SEMA3D: variants seen among roughly 807,000 people sequenced by gnomAD.
SEMA3D encodes semaphorin 3D.
In SEMA3D, 84 loss-of-function variants were observed where a neutral mutation model predicts 100.1. The ratio of observed to expected loss-of-function variants is 0.84; its 90% CI spans 0.70 to 1.01. The LOEUF is 1.01. SEMA3D is among the 50% of genes least tolerant of loss of function. The pLI is 0.00. For missense variants in SEMA3D, 875 were observed against 934.1 expected (o/e 0.94, Z 0.82); for synonymous variants, 312 against 320.7 (o/e 0.97, Z 0.29).
the SEMA3D span, among the ~76,000 whole-genome samples, chr7:85,225,716 C>T: frequency 6.6e-6 from 1 of 152,064 alleles, no homozygotes; most frequent in Non-Finnish European, 1.5e-5. Flanking sequence ...AAACATTCAC[C>T]CCTAGACACT....
At chr7:85,150,435 T>C (rs1418675034) in intron 2 of SEMA3D, among the ~76,000 whole-genome samples, 1 of 143,708 alleles carries the variant, frequency 7.0e-6, no homozygotes, top group Non-Finnish European at 1.5e-5. Context: ...CACATATATT[T>C]ACAGGGATAT....
the SEMA3D span, among the ~76,000 whole-genome samples, chr7:85,202,416 C>T: frequency 1.3e-5 from 2 of 151,888 alleles, no homozygotes; most frequent in Admixed American, 6.6e-5. Flanking sequence ...GCATAGTATT[C>T]CATGGTGTAT....
the SEMA3D span, among the ~76,000 whole-genome samples, chr7:85,229,689 C>T: frequency 9.9e-5 from 15 of 152,166 alleles, no homozygotes; most frequent in South Asian, 2.7e-3. Flanking sequence ...TGATTAGATA[C>T]AAATTCCCTT....
intron 2 of SEMA3D, among the ~76,000 whole-genome samples, chr7:85,138,431 G>A (rs1223148195): frequency 6.6e-6 from 1 of 151,688 alleles, no homozygotes; most frequent in Non-Finnish European, 1.5e-5. Flanking sequence ...TGGGATTACA[G>A]GTGTGCACCA....
Position 85,140,244 on chromosome 7 carries a change from CATTT to C in SEMA3D, c.-41+13360_-41+13363del, listed in dbSNP as rs1307155547. ...TTTTACTCAATATAAAATAATAATTCATTTATTAAATAAGACTTCTGCATTTTCT... is the reference window on the plus strand; with the variant it reads ...TTTTACTCAATATAAAATAATAATTCATTAAATAAGACTTCTGCATTTTCT... On this transcript the variant is annotated intron_variant, in intron 2 of 18. Transcript: ENST00000284136. 49 of 795,820 alleles carry C rather than the reference CATTT, an allele frequency of 6.2e-5. No homozygotes were observed. In the African/African-American group the frequency reaches 8.6e-4, roughly 14 times the overall value. The allele number at this position is 795,820 out of a possible 1,614,324, so 49.3% of individuals were successfully genotyped here.
intron 2 of SEMA3D, among the ~76,000 whole-genome samples, chr7:85,133,397 T>G (rs143108457): frequency 1.6e-3 from 248 of 152,076 alleles, no homozygotes; most frequent in African/African-American, 5.7e-3. Context: ...ATTTCTCCAT[T>G]TTTATTTTTT....
intron 4 of SEMA3D, among the ~76,000 whole-genome samples, chr7:85,086,756 G>A (rs771305866): frequency 3.3e-5 from 5 of 151,576 alleles, no homozygotes; most frequent in Non-Finnish European, 7.4e-5. Context: ...TCAACTATAG[G>A]GTCATTGGGT....
chr7:85,161,572 T>G (rs1583979760), intron 1 of SEMA3D, among the ~76,000 whole-genome samples: 1 of 150,978 alleles, frequency 6.6e-6, no homozygotes, highest in Non-Finnish European at 1.5e-5. Flanking sequence ...GCGGGGAGAG[T>G]TGCAAGAAGC....
At chr7:85,214,990 G>T in the SEMA3D span, among the ~76,000 whole-genome samples, 11 of 152,036 alleles carry the variant, frequency 7.2e-5, no homozygotes, top group East Asian at 1.7e-3. Context: ...CCCTATCAAG[G>T]TTATTTAATA....
intron 1 of SEMA3D, among the ~76,000 whole-genome samples, chr7:85,158,742 C>T (rs532117188): frequency 1.3e-5 from 2 of 152,166 alleles, no homozygotes; most frequent in Non-Finnish European, 2.9e-5. Flanking sequence ...GGAACCTGCC[C>T]ACATGTGATG....
intron 3 of SEMA3D, among the ~76,000 whole-genome samples, chr7:85,108,334 T>C (rs1191548776): frequency 6.6e-6 from 1 of 152,064 alleles, no homozygotes; most frequent in Non-Finnish European, 1.5e-5. Context: ...TCAGGATTTA[T>C]TGCCATCTTA....
chr7:85,226,780 A>G, the SEMA3D span, among the ~76,000 whole-genome samples: 1 of 152,208 alleles, frequency 6.6e-6, no homozygotes, highest in Non-Finnish European at 1.5e-5. Context: ...TGAGGGTTAA[A>G]CACAGCCTGC....
intron 8 of SEMA3D, among the ~76,000 whole-genome samples, chr7:85,064,373 C>G (rs1014282707): frequency 6.6e-6 from 1 of 152,144 alleles, no homozygotes; most frequent in African/African-American, 2.4e-5. Flanking sequence ...TGGGTAATCA[C>G]GTAGTCATGG....
intron 2 of SEMA3D, chr7:85,143,022 C>A: frequency 1.0e-6 from 1 of 954,320 alleles, no homozygotes. Context: ...ATAAATATGG[C>A]TTTCATATGT....
At chr7:85,024,256 C>T (rs1416221480) in intron 12 of SEMA3D, among the ~76,000 whole-genome samples, 1 of 151,900 alleles carries the variant, frequency 6.6e-6, no homozygotes, top group African/African-American at 2.4e-5. Context: ...CTTATAATGC[C>T]TATGGTTCAA....
At chr7:85,244,709 T>TC in the SEMA3D span, among the ~76,000 whole-genome samples, 5 of 49,100 alleles carry the variant, frequency 1.0e-4, no homozygotes, top group South Asian at 2.3e-3. Flanking sequence ...CTGCACAATC[T>TC]TTTTTTTTTT....
At chr7:85,213,544 T>C in the SEMA3D span, among the ~76,000 whole-genome samples, 9 of 152,066 alleles carry the variant, frequency 5.9e-5, no homozygotes, top group African/African-American at 1.9e-4. Context: ...TTAAATTCTG[T>C]ATCTCCAGGG....
At chr7:85,146,666 A>C (rs903425426) in intron 2 of SEMA3D, among the ~76,000 whole-genome samples, 2 of 152,104 alleles carry the variant, frequency 1.3e-5, no homozygotes, top group African/African-American at 2.4e-5. Context: ...AACTAGCCTA[A>C]TAGCAGGTAT....
the SEMA3D span, among the ~76,000 whole-genome samples, chr7:85,230,141 A>G: frequency 5.8e-4 from 88 of 152,234 alleles, no homozygotes; most frequent in African/African-American, 2.0e-3. Context: ...TCCTTTTCAC[A>G]TTGTTCACTT....
Sources: gnomAD v4.1 joint callset for allele counts (sites outside exome capture counted in the v4.1 genomes callset) on GRCh38, gnomAD v4.1.1 for gene constraint, MANE v1.5 for transcripts, NCBI Gene and HGNC (gene_info 2026-07-23, HGNC 2026-07-21) for gene names.